SGIP1: variants seen among roughly 807,000 people sequenced by gnomAD.
The protein encoded by SGIP1 is SH3GL interacting endocytic adaptor 1, also known as SH3-containing GRB2-like protein 3-interacting protein 1.
Under a neutral mutation model 107.5 loss-of-function variants are expected in SGIP1, and 38 were observed. The observed-to-expected ratio is 0.35, with a 90% CI of 0.27 to 0.46. SGIP1 has a LOEUF of 0.46. SGIP1 is among the 20% of genes least tolerant of loss of function. The probability of loss-of-function intolerance (pLI) is 1.00; values close to 1 mark genes in which losing one functional copy is unlikely to be tolerated. For missense variants in SGIP1, 929 were observed against 1,019.5 expected (o/e 0.91, Z 1.21); for synonymous variants, 365 against 366.1 (o/e 1.00, Z 0.03).
chr1:66,625,769 TG>T, intron 1 of SGIP1, 77 bp from the exon 2 acceptor site: 1 of 1,248,486 alleles, frequency 8.0e-7, no homozygotes, highest in Non-Finnish European at 1.2e-6. Context: ...TAAGTCTAAC[TG>T]GTGTGTTACA....
chr1:66,739,329 G>A lies in SGIP1; in HGVS notation c.2032-6G>A. On this transcript the variant is annotated splice_region_variant and splice_polypyrimidine_tract_variant and intron_variant, in intron 21 of 24. Coordinates refer to ENST00000371037, the MANE Select transcript of SGIP1 (RefSeq NM_032291.4). The stretch of plus-strand genomic sequence containing the variant: ...GTTGTTATTTTCTTTCCTGTCGTTC[G>A]GCAAGGTGTCTGCCCAGGGCATTCA... The A allele has an allele frequency of 1.2e-6, 2 of 1,606,368 alleles. No homozygotes were observed. Among genetic ancestry groups the A allele is most frequent in the Non-Finnish European group, 1.7e-6 (2 of 1,179,678 alleles).
intron 4 of SGIP1, 117 bp downstream of exon 4, chr1:66,636,132 C>G: frequency 1.1e-6 from 1 of 932,680 alleles, no homozygotes; most frequent in East Asian, 2.6e-5. Flanking sequence ...TAAGAAAACT[C>G]TTAGGTATTT....
intron 19 of SGIP1, among the ~76,000 whole-genome samples, chr1:66,723,537 T>C (rs1275105115): frequency 4.6e-5 from 7 of 152,170 alleles, no homozygotes; most frequent in Non-Finnish European, 1.0e-4. Flanking sequence ...AACTCTCTAA[T>C]TCCCTAGAAA....
At chr1:66,598,803 C>A (rs949908336) in intron 1 of SGIP1, among the ~76,000 whole-genome samples, 1 of 152,186 alleles carries the variant, frequency 6.6e-6, no homozygotes, top group Non-Finnish European at 1.5e-5. Context: ...CACCTCCCAC[C>A]AGGCTCCCTC....
intron 1 of SGIP1, among the ~76,000 whole-genome samples, chr1:66,543,812 C>G (rs1159088670): frequency 6.6e-6 from 1 of 152,118 alleles, no homozygotes; most frequent in Admixed American, 6.5e-5. Context: ...ATAATGCTGG[C>G]TACCTACCTC....
At chr1:66,556,645 C>T (rs2058220026) in intron 1 of SGIP1, among the ~76,000 whole-genome samples, 1 of 151,816 alleles carries the variant, frequency 6.6e-6, no homozygotes. Context: ...AATCCCCCAC[C>T]CCCACCTACA....
chr1:66,589,210 A>ATGTG (rs1351093715), intron 1 of SGIP1, among the ~76,000 whole-genome samples: 21 of 69,004 alleles, frequency 3.0e-4, no homozygotes, highest in South Asian at 1.7e-3. Flanking sequence ...ATATATATAT[A>ATGTG]TATATATGTA....
chr1:66,646,160 A>C (rs139659055), intron 7 of SGIP1, among the ~76,000 whole-genome samples: 1 of 152,132 alleles, frequency 6.6e-6, no homozygotes, highest in Non-Finnish European at 1.5e-5. Context: ...TATTTTATAA[A>C]TGACATATGC....
intron 15 of SGIP1, chr1:66,684,147 A>C: frequency 1.3e-6 from 2 of 1,550,598 alleles, no homozygotes; most frequent in South Asian, 2.4e-5. Flanking sequence ...TAATTTGCCC[A>C]AGTTTACAAG....
intron 1 of SGIP1, among the ~76,000 whole-genome samples, chr1:66,602,766 G>A (rs909365863): frequency 1.3e-5 from 2 of 152,034 alleles, no homozygotes; most frequent in East Asian, 1.9e-4. Flanking sequence ...GGCTCACCTC[G>A]AAAATTACTA....
chr1:66,553,652 G>A (rs2057752267), intron 1 of SGIP1, among the ~76,000 whole-genome samples: 3 of 150,654 alleles, frequency 2.0e-5, no homozygotes, highest in Admixed American at 2.0e-4. Context: ...CTCCAGTCTG[G>A]GTGACAGAGC....
intron 15 of SGIP1, among the ~76,000 whole-genome samples, chr1:66,683,677 C>A (rs917681912): frequency 5.5e-5 from 7 of 127,352 alleles, no homozygotes; most frequent in Non-Finnish European, 1.2e-4. Flanking sequence ...TCCTGGGCAC[C>A]ACACTGTTTG....
chr1:66,684,863 G>A (rs1320120632), intron 15 of SGIP1, among the ~76,000 whole-genome samples: 2 of 152,142 alleles, frequency 1.3e-5, no homozygotes, highest in South Asian at 2.1e-4. Context: ...ATTTTAAAAT[G>A]TCACCAGTAA....
chr1:66,635,975 G>A lies in SGIP1; in HGVS notation c.131G>A (p.Ser44Asn), dbSNP rs2075697963. Reference protein sequence around the residue: ...QPSPHEPPYNSKAECAREGGK... With the variant: ...QPSPHEPPYNNKAECAREGGK... ...AGCCCACACGAACCACCCTACAATA[G>A]CAAAGCAGAGTGTGCGCGTGAAGGA... Residue 44 changes from serine to asparagine, a missense_variant, in exon 4 of 25, where the codon AGC becomes AAC. Ser to Asn is a conservative substitution (Grantham distance 46). This residue lies in a region of SGIP1 where 588 missense variants were observed against 588.6 expected (regional missense o/e 1.00). Transcript: ENST00000371037. The A allele has an allele frequency of 1.2e-6, 2 of 1,613,832 alleles. No individual in the cohort carries two copies. Among genetic ancestry groups the A allele is most frequent in the African/African-American group, 1.3e-5 (1 of 75,010 alleles).
At chr1:66,614,266 A>T (rs1029421275) in intron 1 of SGIP1, among the ~76,000 whole-genome samples, 6 of 152,194 alleles carry the variant, frequency 3.9e-5, no homozygotes, top group Non-Finnish European at 8.8e-5. Context: ...TTTCCAAGAG[A>T]GTTGACTTGA....
At chr1:66,720,928 A>G (rs901335543) in intron 19 of SGIP1, among the ~76,000 whole-genome samples, 1 of 152,150 alleles carries the variant, frequency 6.6e-6, no homozygotes, top group African/African-American at 2.4e-5. Context: ...TTAGACGTAA[A>G]ACTCGAAATC....
At chr1:66,569,159 G>A (rs1170334546) in intron 1 of SGIP1, among the ~76,000 whole-genome samples, 1 of 151,952 alleles carries the variant, frequency 6.6e-6, no homozygotes, top group Non-Finnish European at 1.5e-5. Context: ...ACTTGAGAAT[G>A]AGGTACCCAG....
chr1:66,737,219 G>T (rs552611297), intron 21 of SGIP1, among the ~76,000 whole-genome samples: 29 of 152,194 alleles, frequency 1.9e-4, no homozygotes, highest in African/African-American at 7.0e-4. Flanking sequence ...AAATAAGTTG[G>T]CACTTCTTTC....
chr1:66,635,055 T>A (rs963446160), intron 3 of SGIP1, among the ~76,000 whole-genome samples: 1 of 152,274 alleles, frequency 6.6e-6, no homozygotes, highest in Non-Finnish European at 1.5e-5. Flanking sequence ...GTTTCATTAA[T>A]GTAGTTCCAC....
Sources: gnomAD v4.1 joint callset for allele counts (sites outside exome capture counted in the v4.1 genomes callset) on GRCh38, gnomAD v4.1.1 for gene constraint, gnomAD v4.1.1 regional missense constraint, MANE v1.5 for transcripts, NCBI Gene and HGNC (gene_info 2026-07-23, HGNC 2026-07-21) for gene names.